BAG3: variants seen among roughly 807,000 people sequenced by gnomAD.
BAG3 encodes the protein BAG cochaperone 3, also known as BAG family molecular chaperone regulator 3.
In BAG3, 14 loss-of-function variants were observed where a neutral mutation model predicts 40.5. The ratio of observed to expected loss-of-function variants is 0.35; its 90% CI spans 0.23 to 0.54. The LOEUF (loss-of-function observed/expected upper bound fraction) is 0.54. Among genes scored for constraint, BAG3 ranks in the 20% least tolerant of loss-of-function variants. The pLI, the probability that BAG3 is intolerant of heterozygous loss-of-function variation, is 0.91. For synonymous variants in BAG3, 302 were observed against 307.8 expected, an observed-to-expected ratio of 0.98 and a Z score of 0.20; for missense variants, 788 against 758.6, an observed-to-expected ratio of 1.04 and a Z score of -0.46.
rs1016518940 is a variant in BAG3, at chr10:119,677,561, C to G, written c.*279C>G. The G allele has an allele frequency of 1.9e-6, 1 of 517,770 alleles. No individual in the cohort carries two copies. Among genetic ancestry groups the G allele is most frequent in the African/African-American group, 1.9e-5 (1 of 51,714 alleles). The allele number at this position is 517,770 out of a possible 1,614,324, so 32.1% of individuals were successfully genotyped here. A position where few individuals can be genotyped will look rare whatever the true frequency, so the allele number is the denominator to read the frequency against. ...CTGTCTACTTGGGCACCCCCACCAC[C>G]TGTTAGCTGTGGTTGTGCACTGTCT... On this transcript the variant is annotated 3_prime_UTR_variant, in exon 4 of 4. Transcript: ENST00000369085.
intron 1 of BAG3, 22 bp downstream of exon 1, chr10:119,651,877 C>T (rs1368954505): frequency 6.6e-7 from 1 of 1,516,890 alleles, no homozygotes; most frequent in East Asian, 2.8e-5. Flanking sequence ...CCGCGGCCCG[C>T]CCTGGTCGGT....
In BAG3 at chr10:119,651,391, C is replaced by T. The variant is rs866276705; in HGVS notation, c.-285C>T. The T allele has an allele frequency of 3.0e-5, 10 of 327,902 alleles. No individual in the cohort carries two copies. In the Middle Eastern group the frequency reaches 2.5e-3, roughly 83 times the overall value. The allele number at this position is 327,902 out of a possible 1,614,324, so 20.3% of individuals were successfully genotyped here. A position where few individuals can be genotyped will look rare whatever the true frequency, so the allele number is the denominator to read the frequency against. On this transcript the variant is annotated 5_prime_UTR_variant, in exon 1 of 4. Transcript: ENST00000369085. ...CAGGGCGGAGCTCCGCATCCAACCC[C>T]GGGCCGCGGCCAACTTCTCTGGACT...
At position 119,651,761 on chromosome 10, in the gene BAG3, A is replaced by C; in HGVS notation, c.86A>C (p.Lys29Thr). ...RDPLPPGWEIKIDPQTGWPFF... is the reference protein window; with the variant it reads ...RDPLPPGWEITIDPQTGWPFF... ...CCTTTGCCCCCCGGATGGGAGATCA[A>C]GATCGACCCGCAGACCGGCTGGCCC... Residue 29 changes from lysine to threonine, a missense_variant, in exon 1 of 4, where the codon AAG (lysine) becomes ACG (threonine). Lys to Thr is a moderately conservative substitution (Grantham distance 78, BLOSUM62 -1). Coordinates refer to ENST00000369085, the MANE Select transcript of BAG3 (RefSeq NM_004281.4). 6.2e-7 allele frequency: 1 copy of C among 1,600,538 alleles called. No individual in the cohort carries two copies. The highest frequency in any genetic ancestry group is 8.5e-7 in the Non-Finnish European group (1 of 1,173,970).
At chr10:119,675,762 T>C (rs1847209699) in intron 3 of BAG3, among the ~76,000 whole-genome samples, 2 of 26,114 alleles carry the variant, frequency 7.7e-5, no homozygotes, top group African/African-American at 3.3e-4. Flanking sequence ...TTTCCTTCCT[T>C]CCTTCCCTCC....
At chr10:119,661,246 C>G (rs754236134) in intron 1 of BAG3, among the ~76,000 whole-genome samples, 1 of 151,968 alleles carries the variant, frequency 6.6e-6, no homozygotes. Flanking sequence ...GGCAACAGAG[C>G]GAGACTCAGT....
chr10:119,665,450 A>AT (rs910570320), intron 1 of BAG3, among the ~76,000 whole-genome samples: 16 of 150,670 alleles, frequency 1.1e-4, no homozygotes, highest in Admixed American at 5.3e-4. Context: ...TAATTTTTGT[A>AT]TTTTTTTTAG....
rs1847258880 is a variant in BAG3, at chr10:119,677,566, A to G, written c.*284A>G. ...TACTTGGGCACCCCCACCACCTGTT[A>G]GCTGTGGTTGTGCACTGTCTTTTGT... On this transcript the variant is annotated 3_prime_UTR_variant, in exon 4 of 4. Transcript: ENST00000369085. The G allele has an allele frequency of 2.0e-6, 1 of 509,712 alleles. No individual in the cohort carries two copies. Among genetic ancestry groups the G allele is most frequent in the African/African-American group, 1.9e-5 (1 of 51,328 alleles). 31.6% of individuals were successfully genotyped at this position (509,712 alleles called of 1,614,324 possible). A position where few individuals can be genotyped will look rare whatever the true frequency, so the allele number is the denominator to read the frequency against.
intron 1 of BAG3, among the ~76,000 whole-genome samples, chr10:119,659,568 C>T (rs1390939624): frequency 1.3e-5 from 2 of 152,196 alleles, no homozygotes; most frequent in Non-Finnish European, 2.9e-5. Context: ...CAGGTGGGAG[C>T]AGAGCCCCCC....
Position 119,672,112 on chromosome 10 carries a change from A to G in BAG3, c.508-143A>G. The G allele has an allele frequency of 8.3e-7, 1 of 1,206,104 alleles. No individual in the cohort carries two copies. Among genetic ancestry groups the G allele is most frequent in the Non-Finnish European group, 1.2e-6 (1 of 836,248 alleles). 74.7% of individuals were successfully genotyped at this position (1,206,104 alleles called of 1,614,324 possible). On this transcript the variant is annotated intron_variant, in intron 2 of 3. Coordinates refer to ENST00000369085, the MANE Select transcript of BAG3 (RefSeq NM_004281.4). This position sits in a 1 kb window ranked among gnomAD's most constrained non-coding sequence, Gnocchi z 4.8. Reference sequence around the variant, plus strand: ...CCCCAGAGCTCTCAGTCTTAACCGCACATTTTGAAAATTGAAAATTACAGA... The same window carrying G: ...CCCCAGAGCTCTCAGTCTTAACCGCGCATTTTGAAAATTGAAAATTACAGA...
At chr10:119,675,498 A>G (rs1564775715) in intron 3 of BAG3, among the ~76,000 whole-genome samples, 1 of 152,206 alleles carries the variant, frequency 6.6e-6, no homozygotes, top group Non-Finnish European at 1.5e-5. Flanking sequence ...CATCTTGGCT[A>G]ATCCTAAAAA....
chr10:119,652,520 GTA>G (rs1846857467), intron 1 of BAG3, among the ~76,000 whole-genome samples: 1 of 152,180 alleles, frequency 6.6e-6, no homozygotes, highest in African/African-American at 2.4e-5. Flanking sequence ...ACGTATCCTA[GTA>G]TGATTTGTAA....
chr10:119,658,574 T>C (rs538909491), intron 1 of BAG3, among the ~76,000 whole-genome samples: 3 of 152,364 alleles, frequency 2.0e-5, no homozygotes, highest in African/African-American at 7.2e-5. Flanking sequence ...CTTTCTCTCC[T>C]GCTGCCTCTC....
At position 119,660,795 on chromosome 10, in the gene BAG3, T is replaced by C. The variant is rs186165561; in HGVS notation, c.180+8940T>C. 3.1e-3 allele frequency among the ~76,000 whole-genome samples: 466 copies of C among 151,582 alleles called. 1 individual carries two copies. Among genetic ancestry groups the C allele is most frequent in the Middle Eastern group, 6.9e-3 (2 of 288 alleles). On this transcript the variant is annotated intron_variant, in intron 1 of 3. Transcript: ENST00000369085. ...AGTCCATCAATAACTATTTGTGGAA[T>C]AAAGAAATGCAATTGTGGCTGGGCG... is the stretch of plus-strand genomic sequence containing the variant.
chr10:119,660,630 G>A (rs1846979695), intron 1 of BAG3, among the ~76,000 whole-genome samples: 1 of 152,108 alleles, frequency 6.6e-6, no homozygotes. Context: ...TGGATCACTT[G>A]AGCCCGGGAG....
Position 119,672,790 on chromosome 10 carries a change from C to A in BAG3, c.909+134C>A. 7.8e-7 allele frequency: 1 copy of A among 1,289,026 alleles called. No individual in the cohort carries two copies. Among genetic ancestry groups the A allele is most frequent in the Non-Finnish European group, 1.1e-6 (1 of 920,666 alleles). 79.8% of individuals were successfully genotyped at this position (1,289,026 alleles called of 1,614,324 possible). A position where few individuals can be genotyped will look rare whatever the true frequency, so the allele number is the denominator to read the frequency against. ...CGTGTACCTACAGGCAAGTGAGATT[C>A]GAGAAATTGCTAGGTATTAACAGAA... On this transcript the variant is annotated intron_variant, in intron 3 of 3. Transcript: ENST00000369085. The surrounding 1 kb of genome is among the most constrained non-coding windows in gnomAD (Gnocchi z 4.8).
chr10:119,676,926 T>C lies in BAG3; in HGVS notation c.1372T>C (p.Leu458=), dbSNP rs1176479605. Residue 458 remains leucine (L), a synonymous_variant, in exon 4 of 4, where the codon TTG becomes CTG. Transcript: ENST00000369085. ...AAAGTACCTGATGATCGAAGAGTAT[T>C]TGACCAAAGAGCTGCTGGCCCTGGA... is the stretch of plus-strand genomic sequence containing the variant. The part of the protein sequence containing the change: ...DKKYLMIEEY[L]TKELLALDSV... 2 of 1,614,038 alleles carry C rather than the reference T, an allele frequency of 1.2e-6. No individual in the cohort carries two copies. Among genetic ancestry groups the C allele is most frequent in the Admixed American group, 1.7e-5 (1 of 60,008 alleles).
chr10:119,667,550 C>T (rs530215917), intron 1 of BAG3, among the ~76,000 whole-genome samples: 4 of 152,298 alleles, frequency 2.6e-5, no homozygotes, highest in South Asian at 4.1e-4. Flanking sequence ...CCTAGGGCAG[C>T]GTCTACCCTG....
intron 2 of BAG3, among the ~76,000 whole-genome samples, chr10:119,671,054 TAGAG>T (rs1455035073): frequency 6.6e-6 from 1 of 152,134 alleles, no homozygotes; most frequent in East Asian, 1.9e-4. Context: ...TTTCTTTTCT[TAGAG>T]AGGTAGTACC....
chr10:119,653,654 T>A (rs1213797706), intron 1 of BAG3, among the ~76,000 whole-genome samples: 1 of 152,214 alleles, frequency 6.6e-6, no homozygotes, highest in Non-Finnish European at 1.5e-5. Flanking sequence ...CTGGGAAGAT[T>A]TATTTGAAAA....
Sources: allele counts gnomAD v4.1 joint callset (sites outside exome capture counted in the v4.1 genomes callset), GRCh38; gene constraint gnomAD v4.1.1; non-coding constraint Gnocchi (gnomAD v3.1); transcripts MANE v1.5; gene names NCBI Gene and HGNC (gene_info 2026-07-23, HGNC 2026-07-21).